The following GPC5 variants were observed in gnomAD, a reference collection of about 807,000 sequenced individuals.
The protein encoded by GPC5 is glypican 5.
GPC5 carries 47 observed loss-of-function variants against 53.9 expected under a neutral mutation model. The ratio of observed to expected loss-of-function variants is 0.87; its 90% CI spans 0.69 to 1.11. The LOEUF (loss-of-function observed/expected upper bound fraction) is 1.11. Ranked by LOEUF, GPC5 falls within the 50% of genes most tolerant of loss-of-function variation. The probability of loss-of-function intolerance (pLI) is 0.00; values close to 1 mark genes in which losing one functional copy is unlikely to be tolerated. For missense variants in GPC5, 748 were observed against 713.1 expected (o/e 1.05, Z -0.56); for synonymous variants, 286 against 263.3 (o/e 1.09, Z -0.84).
intron 2 of GPC5, among the ~76,000 whole-genome samples, chr13:91,692,219 G>A (rs975919301): frequency 6.6e-6 from 1 of 152,132 alleles, no homozygotes; most frequent in Non-Finnish European, 1.5e-5. Flanking sequence ...ATAAGAAAAA[G>A]GATATGATTA....
At chr13:91,555,223 G>A (rs922435489) in intron 2 of GPC5, among the ~76,000 whole-genome samples, 1 of 151,962 alleles carries the variant, frequency 6.6e-6, no homozygotes, top group Non-Finnish European at 1.5e-5. Context: ...GTAGGAAAAC[G>A]GCCTGGCCCG....
Position 92,004,478 on chromosome 13 carries a change from AT to A in GPC5, c.1401+96422del, listed in dbSNP as rs1566389237. Among the ~76,000 whole-genome samples the A allele has an allele frequency of 5.5e-4, 75 of 136,086 alleles. 4 individuals are homozygous for A. The highest frequency in any genetic ancestry group is 2.0e-3 in the African/African-American group (73 of 35,734). The allele number at this position is 136,086 out of a possible 152,430, so 89.3% of individuals were successfully genotyped here. ...AAAAATTATATATATATATATATATATATATATATATAATTACACTATAGCT... is the reference window on the plus strand; with the variant it reads ...AAAAATTATATATATATATATATATAATATATATATAATTACACTATAGCT... On this transcript the variant is annotated intron_variant, in intron 6 of 7. Coordinates refer to ENST00000377067, the MANE Select transcript of GPC5 (RefSeq NM_004466.6).
Position 92,068,993 on chromosome 13 carries a change from A to C in GPC5, c.1402-75837A>C, listed in dbSNP as rs1261039936. Among the ~76,000 whole-genome samples, 2 of 151,912 alleles carry C rather than the reference A, an allele frequency of 1.3e-5. 1 individual carries two copies. The highest frequency in any genetic ancestry group is 6.3e-3 in the Middle Eastern group (2 of 316). On this transcript the variant is annotated intron_variant, in intron 6 of 7. Coordinates refer to ENST00000377067, the MANE Select transcript of GPC5 (RefSeq NM_004466.6). ...AGATTTTGCTTACGTTTTCTTCTAT[A>C]AGCTTTTTACTTCTAGATCTTACAT...
At chr13:92,844,821 T>G (rs1284121095) in intron 7 of GPC5, among the ~76,000 whole-genome samples, 1 of 152,180 alleles carries the variant, frequency 6.6e-6, no homozygotes, top group African/African-American at 2.4e-5. Context: ...GTTTACTGAT[T>G]TCAAATATTT....
At chr13:92,148,616 G>T (rs796764427) in intron 7 of GPC5, among the ~76,000 whole-genome samples, 11 of 152,086 alleles carry the variant, frequency 7.2e-5, no homozygotes, top group African/African-American at 2.6e-4. Context: ...ATATGTATTT[G>T]GTTCATTTAC....
At chr13:92,392,125 C>T (rs1380350947) in intron 7 of GPC5, among the ~76,000 whole-genome samples, 1 of 152,158 alleles carries the variant, frequency 6.6e-6, no homozygotes, top group Non-Finnish European at 1.5e-5. Context: ...AGCTGTCATA[C>T]TTTTACAGAT....
intron 5 of GPC5, among the ~76,000 whole-genome samples, chr13:91,775,799 C>T (rs141557447): frequency 6.6e-6 from 1 of 152,228 alleles, no homozygotes; most frequent in East Asian, 1.9e-4. Context: ...CTAGATTACT[C>T]CATGAGTGAG....
intron 6 of GPC5, among the ~76,000 whole-genome samples, chr13:92,090,891 A>G (rs2041374947): frequency 6.6e-6 from 1 of 152,238 alleles, no homozygotes; most frequent in South Asian, 2.1e-4. Context: ...GATCATGTGC[A>G]TCTCCATGAT....
chr13:92,465,981 G>A (rs1197807471), intron 7 of GPC5, among the ~76,000 whole-genome samples: 1 of 151,868 alleles, frequency 6.6e-6, no homozygotes, highest in Non-Finnish European at 1.5e-5. Context: ...GATGAAAGGC[G>A]ATATGATTAC....
intron 1 of GPC5, among the ~76,000 whole-genome samples, chr13:91,416,605 C>T (rs1444847454): frequency 1.3e-5 from 2 of 151,992 alleles, no homozygotes; most frequent in African/African-American, 4.8e-5. Context: ...TTATCCCTCC[C>T]CCAGCCTCCC....
intron 4 of GPC5, among the ~76,000 whole-genome samples, chr13:91,740,582 A>G (rs2036911664): frequency 6.6e-6 from 1 of 152,190 alleles, no homozygotes; most frequent in African/African-American, 2.4e-5. Flanking sequence ...CTGTTTATAT[A>G]GCATGCTAAT....
chr13:92,153,024 T>C (rs142408400), intron 7 of GPC5, among the ~76,000 whole-genome samples: 2 of 152,370 alleles, frequency 1.3e-5, no homozygotes, highest in Non-Finnish European at 2.9e-5. Flanking sequence ...TTGAATTTTA[T>C]ATGAATCAAA....
intron 7 of GPC5, among the ~76,000 whole-genome samples, chr13:92,454,964 G>C (rs183004867): frequency 7.3e-4 from 111 of 152,260 alleles, no homozygotes; most frequent in Non-Finnish European, 1.4e-3. Flanking sequence ...TCCAGTAAAT[G>C]CTAATATCCT....
intron 7 of GPC5, among the ~76,000 whole-genome samples, chr13:92,213,926 TGACA>T (rs1474383608): frequency 6.6e-6 from 1 of 152,204 alleles, no homozygotes; most frequent in South Asian, 2.1e-4. Context: ...AGACTTTCTG[TGACA>T]GACATAAAAA....
intron 3 of GPC5, among the ~76,000 whole-genome samples, chr13:91,705,596 G>C (rs1246240241): frequency 6.6e-6 from 1 of 152,024 alleles, no homozygotes; most frequent in Admixed American, 6.6e-5. Flanking sequence ...TCATCGTTGG[G>C]GGGAAGGATT....
intron 4 of GPC5, among the ~76,000 whole-genome samples, chr13:91,736,693 T>G (rs978679559): frequency 2.0e-5 from 3 of 151,432 alleles, no homozygotes; most frequent in African/African-American, 7.4e-5. Context: ...AATTAATATT[T>G]TCTAAGTTAG....
chr13:91,803,304 T>C (rs1566272219), intron 5 of GPC5, among the ~76,000 whole-genome samples: 2 of 152,192 alleles, frequency 1.3e-5, no homozygotes, highest in Admixed American at 1.3e-4. Context: ...ATGAAATCAA[T>C]TTACATCTCA....
At chr13:92,435,065 C>A (rs994074015) in intron 7 of GPC5, among the ~76,000 whole-genome samples, 2 of 152,078 alleles carry the variant, frequency 1.3e-5, no homozygotes, top group Non-Finnish European at 2.9e-5. Flanking sequence ...CAGGTGCATG[C>A]CACCACACCC....
chr13:91,432,205 GTGTGTGTGTGTGTGT>G (rs1483183066), intron 1 of GPC5, among the ~76,000 whole-genome samples: 2,980 of 119,636 alleles, frequency 0.025, 58 homozygotes, highest in South Asian at 0.059. Context: ...TGCTGCTGCT[GTGTGTGTGTGTGTGT>G]GTGTGTGTGT....
Sources: allele counts gnomAD v4.1 joint callset (sites outside exome capture counted in the v4.1 genomes callset), GRCh38; gene constraint gnomAD v4.1.1; transcripts MANE v1.5; gene names NCBI Gene and HGNC (gene_info 2026-07-23, HGNC 2026-07-21).